Variants in CACNA1C observed in about 807,000 individuals in gnomAD.
The protein encoded by CACNA1C is voltage-dependent L-type calcium channel subunit alpha-1C.
In CACNA1C, 30 loss-of-function variants were observed where a neutral mutation model predicts 229.0. The ratio of observed to expected loss-of-function variants is 0.13; its 90% CI spans 0.10 to 0.18. The LOEUF (loss-of-function observed/expected upper bound fraction) is 0.18. Ranked by LOEUF, CACNA1C falls within the 10% of genes least tolerant of loss-of-function variation. CACNA1C has a pLI of 1.00. For missense variants in CACNA1C, 1,658 were observed against 2,845.0 expected (o/e 0.58, Z 9.49); for synonymous variants, 1,114 against 1,132.5 (o/e 0.98, Z 0.33).
intron 1 of CACNA1C, chr12:1,991,304 A>G (rs2039352889): frequency 2.3e-6 from 1 of 440,860 alleles, no homozygotes; most frequent in Admixed American, 2.6e-5. Flanking sequence ...AAACATGGTA[A>G]AATAAATGAA....
intron 3 of CACNA1C, among the ~76,000 whole-genome samples, chr12:2,378,735 G>C (rs1009378324): frequency 6.6e-6 from 1 of 152,024 alleles, no homozygotes; most frequent in Non-Finnish European, 1.5e-5. Context: ...CATTGCTCTC[G>C]GCCATTGCTT....
intron 5 of CACNA1C, among the ~76,000 whole-genome samples, chr12:2,474,803 G>A (rs1314576736): frequency 6.6e-6 from 1 of 151,248 alleles, no homozygotes; most frequent in East Asian, 1.9e-4. Flanking sequence ...AAGAAATGCA[G>A]GCCACTTTTT....
At chr12:2,205,742 G>GA (rs2097737445) in intron 3 of CACNA1C, among the ~76,000 whole-genome samples, 1 of 152,112 alleles carries the variant, frequency 6.6e-6, no homozygotes, top group Non-Finnish European at 1.5e-5. Context: ...ATACCGCAGT[G>GA]GGGGGACTAC....
chr12:2,501,855 T>TG (rs781438512), intron 7 of CACNA1C, among the ~76,000 whole-genome samples: 2 of 152,244 alleles, frequency 1.3e-5, no homozygotes, highest in African/African-American at 2.4e-5. Context: ...TCCTAACAGA[T>TG]GCTCTTTTGC....
chr12:2,550,276 G>T lies in CACNA1C; in HGVS notation c.1481+243G>T, dbSNP rs537127428. Among the ~76,000 whole-genome samples, 14 of 152,290 alleles carry T rather than the reference G, an allele frequency of 9.2e-5. No homozygotes were observed. In the South Asian group the frequency reaches 2.5e-3, roughly 27 times the overall value. On this transcript the variant is annotated intron_variant, in intron 10 of 46. Coordinates refer to ENST00000399655, the MANE Select transcript of CACNA1C (RefSeq NM_000719.7). Reference sequence around the variant, plus strand: ...TCTTCAATTCATCACTTCTTCGGGGGTGCTGACTCTTAGGTTTTGAGCCTC... The same window carrying T: ...TCTTCAATTCATCACTTCTTCGGGGTTGCTGACTCTTAGGTTTTGAGCCTC...
chr12:2,476,600 A>T, intron 5 of CACNA1C, among the ~76,000 whole-genome samples: 1 of 152,178 alleles, frequency 6.6e-6, no homozygotes, highest in East Asian at 1.9e-4. Context: ...CTTCTAACAC[A>T]GGGTTTCTTT....
At chr12:2,126,380 T>C (rs2090065116) in intron 3 of CACNA1C, among the ~76,000 whole-genome samples, 1 of 152,230 alleles carries the variant, frequency 6.6e-6, no homozygotes, top group South Asian at 2.1e-4. Context: ...CAAGAGCTAT[T>C]ACCTGTTAGG....
chr12:2,249,412 C>T (rs1423090419), intron 3 of CACNA1C, among the ~76,000 whole-genome samples: 1 of 152,196 alleles, frequency 6.6e-6, no homozygotes, highest in Non-Finnish European at 1.5e-5. Context: ...GTAATTGTGA[C>T]AGAGACTGTC....
chr12:1,976,632 T>G (rs2034446769), intron 1 of CACNA1C, among the ~76,000 whole-genome samples: 1 of 151,912 alleles, frequency 6.6e-6, no homozygotes, highest in African/African-American at 2.4e-5. Context: ...AGTTTTTGCC[T>G]AGTAAGAATG....
At chr12:2,441,396 A>G (rs2154561084) in intron 3 of CACNA1C, among the ~76,000 whole-genome samples, 1 of 152,318 alleles carries the variant, frequency 6.6e-6, no homozygotes, top group East Asian at 1.9e-4. Flanking sequence ...TTCTGCTCAC[A>G]AGGAGTCTGT....
At chr12:2,660,611 G>A (rs1163094575) in intron 34 of CACNA1C, 1 of 152,004 alleles carries the variant, frequency 6.6e-6, no homozygotes, top group African/African-American at 2.4e-5. Context: ...GGATCATGAG[G>A]TCAGGAGTTC....
At position 2,653,727 on chromosome 12, in the gene CACNA1C, C is replaced by T. The variant is rs1158905642; in HGVS notation, c.4075-108C>T. 6.5e-6 allele frequency: 6 copies of T among 916,632 alleles called. No individual in the cohort carries two copies. The highest frequency in any genetic ancestry group is 2.5e-5 in the East Asian group (1 of 39,300). 56.8% of individuals were successfully genotyped at this position (916,632 alleles called of 1,614,324 possible). A position where few individuals can be genotyped will look rare whatever the true frequency, so the allele number is the denominator to read the frequency against. Reference sequence around the variant, plus strand: ...CTTGGAAGTGTCCCCCGGCCCAAACCGGGCAATAGCTGATGGCTGCAGAGA... The same window carrying T: ...CTTGGAAGTGTCCCCCGGCCCAAACTGGGCAATAGCTGATGGCTGCAGAGA... On this transcript the variant is annotated intron_variant, in intron 32 of 46. Coordinates refer to ENST00000399655, the MANE Select transcript of CACNA1C (RefSeq NM_000719.7). This position sits in a 1 kb window ranked among gnomAD's most constrained non-coding sequence, Gnocchi z 4.7.
At chr12:2,043,570 T>C (rs1373358899) in intron 1 of CACNA1C, among the ~76,000 whole-genome samples, 2 of 152,110 alleles carry the variant, frequency 1.3e-5, no homozygotes, top group Non-Finnish European at 2.9e-5. Flanking sequence ...AGTCCAATAG[T>C]TGTGTCCAAA....
intron 3 of CACNA1C, among the ~76,000 whole-genome samples, chr12:2,282,040 A>G (rs1218577408): frequency 1.3e-5 from 2 of 151,616 alleles, no homozygotes; most frequent in African/African-American, 2.4e-5. Context: ...TTTTTTTGCC[A>G]TACATAATTT....
chr12:2,190,077 C>G (rs552795609), intron 3 of CACNA1C, among the ~76,000 whole-genome samples: 1 of 152,264 alleles, frequency 6.6e-6, no homozygotes, highest in East Asian at 1.9e-4. Context: ...TCTTTCTGCA[C>G]TAAAAATGAG....
intron 3 of CACNA1C, among the ~76,000 whole-genome samples, chr12:2,384,996 A>G (rs2098345132): frequency 6.6e-6 from 1 of 152,182 alleles, no homozygotes; most frequent in Non-Finnish European, 1.5e-5. Flanking sequence ...ACTGACCGTG[A>G]AAGGAGGGAG....
At chr12:2,471,883 C>T (rs1020904818) in intron 5 of CACNA1C, among the ~76,000 whole-genome samples, 2 of 152,176 alleles carry the variant, frequency 1.3e-5, no homozygotes, top group African/African-American at 4.8e-5. Context: ...GTTTCACCAT[C>T]TTGGCCAGGC....
intron 1 of CACNA1C, chr12:1,991,076 A>G (rs996592727): frequency 1.5e-5 from 7 of 455,414 alleles, no homozygotes; most frequent in Non-Finnish European, 3.1e-5. Context: ...TTTCTTTTGT[A>G]TGGAAATTCA....
At chr12:2,204,223 T>C (rs945666269) in intron 3 of CACNA1C, among the ~76,000 whole-genome samples, 1 of 152,128 alleles carries the variant, frequency 6.6e-6, no homozygotes, top group Non-Finnish European at 1.5e-5. Flanking sequence ...CATTTTTTCA[T>C]GTGTTTCTTG....
Sources: gnomAD v4.1 joint callset for allele counts (sites outside exome capture counted in the v4.1 genomes callset) on GRCh38, gnomAD v4.1.1 for gene constraint, Gnocchi (gnomAD v3.1) non-coding constraint, MANE v1.5 for transcripts, NCBI Gene and HGNC (gene_info 2026-07-23, HGNC 2026-07-21) for gene names.